The following ITPRID1 variants were observed in gnomAD, a reference collection of about 807,000 sequenced individuals.
The protein encoded by ITPRID1 is protein ITPRID1.
In ITPRID1, 96 loss-of-function variants were observed where a neutral mutation model predicts 95.4. That is an observed-to-expected ratio of 1.01 (90% CI 0.85 to 1.19). ITPRID1 has a LOEUF of 1.19. Among genes scored for constraint, ITPRID1 ranks in the 50% most tolerant of loss-of-function variants. ITPRID1 has a pLI of 0.00. For missense variants in ITPRID1, 1,339 were observed against 1,252.9 expected (o/e 1.07, Z -1.04); for synonymous variants, 510 against 453.6 (o/e 1.12, Z -1.58).
chr7:31,562,080 G>A (rs954763649), intron 5 of ITPRID1, among the ~76,000 whole-genome samples: 8 of 105,150 alleles, frequency 7.6e-5, no homozygotes, highest in African/African-American at 2.6e-4. Context: ...AGCCTGGAGA[G>A]AGTATCTGGT....
At chr7:31,608,233 ATAC>A (rs1443419095) in intron 10 of ITPRID1, among the ~76,000 whole-genome samples, 2 of 152,032 alleles carry the variant, frequency 1.3e-5, no homozygotes, top group Non-Finnish European at 2.9e-5. Flanking sequence ...GTCTGTCTGT[ATAC>A]TACTAACACA....
chr7:31,619,711 T>G (rs1429949735), intron 10 of ITPRID1, among the ~76,000 whole-genome samples: 1 of 152,166 alleles, frequency 6.6e-6, no homozygotes, highest in East Asian at 2.0e-4. Flanking sequence ...CATTTCCATC[T>G]GAGGTACCAG....
At chr7:31,586,508 C>G (rs1184798762) in intron 10 of ITPRID1, among the ~76,000 whole-genome samples, 1 of 151,044 alleles carries the variant, frequency 6.6e-6, no homozygotes, top group Admixed American at 6.6e-5. Flanking sequence ...CCTGTTGTTT[C>G]CTGACTTTTT....
chr7:31,570,959 C>T (rs1490634026), intron 6 of ITPRID1, among the ~76,000 whole-genome samples: 1 of 152,056 alleles, frequency 6.6e-6, no homozygotes, highest in East Asian at 1.9e-4. Context: ...TTTTTACTAT[C>T]CAGAAAAACA....
intron 1 of ITPRID1, among the ~76,000 whole-genome samples, chr7:31,541,820 C>T (rs1170043186): frequency 1.3e-5 from 2 of 152,148 alleles, no homozygotes; most frequent in East Asian, 1.9e-4. Flanking sequence ...TTTATAGACC[C>T]TTTTTAACCC....
At chr7:31,637,459 G>A (rs1209740896) in intron 10 of ITPRID1, among the ~76,000 whole-genome samples, 1 of 152,134 alleles carries the variant, frequency 6.6e-6, no homozygotes, top group Non-Finnish European at 1.5e-5. Context: ...TCTCATTGTG[G>A]TTTTGATTTG....
intron 10 of ITPRID1, among the ~76,000 whole-genome samples, chr7:31,607,835 A>AT (rs1466110195): frequency 6.6e-6 from 1 of 151,630 alleles, no homozygotes; most frequent in Admixed American, 6.6e-5. Flanking sequence ...TTTTAGCCTA[A>AT]TTTTTGGAAG....
rs574568785 is a variant in ITPRID1, at chr7:31,554,731, G to T, written c.213-127G>T. On this transcript the variant is annotated intron_variant, in intron 4 of 14. Transcript: ENST00000615280. Reference sequence around the variant, plus strand: ...TACTCTAGTCCCTGACTGTTTATTGGTTTCTAAAAGTCCTCTCTTACTAAA... The same window carrying T: ...TACTCTAGTCCCTGACTGTTTATTGTTTTCTAAAAGTCCTCTCTTACTAAA... The T allele has an allele frequency of 1.1e-5, 11 of 1,006,304 alleles. No individual in the cohort carries two copies. The African/African-American group carries it at 1.1e-4, about 10-fold the overall frequency. The allele number at this position is 1,006,304 out of a possible 1,614,324, so 62.3% of individuals were successfully genotyped here. A position where few individuals can be genotyped will look rare whatever the true frequency, so the allele number is the denominator to read the frequency against.
chr7:31,632,896 T>C (rs1347613433), intron 10 of ITPRID1, among the ~76,000 whole-genome samples: 1 of 151,490 alleles, frequency 6.6e-6, no homozygotes. Flanking sequence ...ATTCATTTAT[T>C]TATTTATTTG....
At chr7:31,600,543 A>G (rs1216617825) in intron 10 of ITPRID1, among the ~76,000 whole-genome samples, 1 of 152,230 alleles carries the variant, frequency 6.6e-6, no homozygotes. Context: ...CTCCTACAGA[A>G]AAAGGTTAAA....
chr7:31,647,298 T>C (rs1424957522), intron 12 of ITPRID1, among the ~76,000 whole-genome samples: 1 of 152,114 alleles, frequency 6.6e-6, no homozygotes, highest in Admixed American at 6.6e-5. Context: ...AAAAAATATT[T>C]ACGAAAATAT....
rs1194052854 is a variant in ITPRID1 at position 31,656,245 on chromosome 7, T to C, written c.*3416T>C. ...GAGGACTGTGTAGTACCTACTACCC[T>C]GTGTTTAAGAGAGACTATCTGGAGG... is the stretch of plus-strand genomic sequence containing the variant. On this transcript the variant is annotated 3_prime_UTR_variant, in exon 15 of 15. Transcript: ENST00000615280. 1 of 177,490 alleles carries C rather than the reference T, an allele frequency of 5.6e-6. No individual in the cohort carries two copies. The highest frequency in any genetic ancestry group is 2.4e-5 in the African/African-American group (1 of 41,892). The allele number at this position is 177,490 out of a possible 1,614,324, so 11.0% of individuals were successfully genotyped here.
chr7:31,532,991 C>G (rs1380068869), intron 1 of ITPRID1, among the ~76,000 whole-genome samples: 3 of 151,956 alleles, frequency 2.0e-5, no homozygotes, highest in African/African-American at 4.8e-5. Context: ...TCTTGAAATG[C>G]CTTTATCAGG....
At chr7:31,515,165 CT>C (rs1466015691) in intron 1 of ITPRID1, among the ~76,000 whole-genome samples, 1 of 151,848 alleles carries the variant, frequency 6.6e-6, no homozygotes, top group East Asian at 1.9e-4. Context: ...AAAAGTTTTG[CT>C]TTTTAAAAAA....
rs1017616052 is a variant in ITPRID1, at chr7:31,554,613, G to A, written c.212+90G>A. 2.8e-6 allele frequency: 4 copies of A among 1,454,224 alleles called. No homozygotes were observed. In the Admixed American group the frequency reaches 8.1e-5, roughly 30 times the overall value. 90.1% of individuals were successfully genotyped at this position (1,454,224 alleles called of 1,614,324 possible). A position where few individuals can be genotyped will look rare whatever the true frequency, so the allele number is the denominator to read the frequency against. On this transcript the variant is annotated intron_variant, in intron 4 of 14. Coordinates refer to ENST00000615280, the MANE Select transcript of ITPRID1 (RefSeq NM_001257967.3). ...TGTAACTCTGCCTGGGCAAGGTCGG[G>A]GAAGTGTAGGGATTTTCATTTTAAT...
At chr7:31,630,264 A>G (rs1788876916) in intron 10 of ITPRID1, among the ~76,000 whole-genome samples, 1 of 147,828 alleles carries the variant, frequency 6.8e-6, no homozygotes, top group African/African-American at 2.5e-5. Flanking sequence ...AAAAAAAAAC[A>G]TTGAAAATTA....
At chr7:31,571,481 G>C (rs923626988) in intron 6 of ITPRID1, among the ~76,000 whole-genome samples, 6 of 152,190 alleles carry the variant, frequency 3.9e-5, no homozygotes, top group Admixed American at 6.6e-5. Context: ...GTGATCCATG[G>C]TATAGCTGAG....
chr7:31,608,261 G>A (rs1786714449), intron 10 of ITPRID1, among the ~76,000 whole-genome samples: 1 of 151,756 alleles, frequency 6.6e-6, no homozygotes, highest in Non-Finnish European at 1.5e-5. Context: ...CTTCATTATT[G>A]TACCTTTGTA....
chr7:31,532,835 A>C (rs184974204), intron 1 of ITPRID1, among the ~76,000 whole-genome samples: 58 of 152,348 alleles, frequency 3.8e-4, no homozygotes, highest in African/African-American at 1.3e-3. Context: ...CTCTGGGCTG[A>C]TATTTTAATA....
Sources: allele counts gnomAD v4.1 joint callset (sites outside exome capture counted in the v4.1 genomes callset), GRCh38; gene constraint gnomAD v4.1.1; transcripts MANE v1.5; gene names NCBI Gene and HGNC (gene_info 2026-07-23, HGNC 2026-07-21).